The following RFC4 variants were observed in gnomAD, a reference collection of about 807,000 sequenced individuals.
RFC4 encodes A1 37 kDa subunit.
RFC4 carries 38 observed loss-of-function variants against 47.6 expected under a neutral mutation model. That is an observed-to-expected ratio of 0.80 (90% CI 0.62 to 1.05). The LOEUF (loss-of-function observed/expected upper bound fraction) is 1.05. RFC4 is among the 50% of genes least tolerant of loss of function. The pLI, the probability that RFC4 is intolerant of heterozygous loss-of-function variation, is 0.00. For synonymous variants in RFC4, 164 were observed against 150.0 expected, an observed-to-expected ratio of 1.09 and a Z score of -0.68; for missense variants, 489 against 434.0, an observed-to-expected ratio of 1.13 and a Z score of -1.13.
intron 3 of RFC4, among the ~76,000 whole-genome samples, chr3:186,800,132 T>C (rs544538586): frequency 5.0e-4 from 76 of 152,164 alleles, no homozygotes; most frequent in African/African-American, 1.8e-3. Flanking sequence ...CTTTTTCTAA[T>C]TTTTGGTAGA....
chr3:186,790,622 C>G (rs1429605298), intron 8 of RFC4, among the ~76,000 whole-genome samples: 2 of 152,166 alleles, frequency 1.3e-5, no homozygotes, highest in Non-Finnish European at 2.9e-5. Context: ...CCTTTAATGG[C>G]TTTGTGAACT....
At chr3:186,803,854 G>C (rs1722415949) in intron 2 of RFC4, among the ~76,000 whole-genome samples, 1 of 151,972 alleles carries the variant, frequency 6.6e-6, no homozygotes, top group Non-Finnish European at 1.5e-5. Context: ...TAATTCAAGT[G>C]TTGTTTGGAC....
chr3:186,796,605 G>A lies in RFC4; in HGVS notation c.290+930C>T, dbSNP rs1447110749. Among the ~76,000 whole-genome samples the A allele has an allele frequency of 1.3e-5, 2 of 151,886 alleles. No homozygotes were observed. Among genetic ancestry groups the A allele is most frequent in the African/African-American group, 4.8e-5 (2 of 41,374 alleles). Reference sequence around the variant, plus strand: ...AGTGATTCTCCTGCCTCAGCCTGCCGAGTAGCTGGGACTACAGGTGCATGC... The same window carrying A: ...AGTGATTCTCCTGCCTCAGCCTGCCAAGTAGCTGGGACTACAGGTGCATGC... On this transcript the variant is annotated intron_variant, in intron 4 of 10. Transcript: ENST00000296273. The surrounding 1 kb of genome is among the most constrained non-coding windows in gnomAD (Gnocchi z 4.2).
chr3:186,792,365 C>A, intron 7 of RFC4, 125 bp downstream of exon 7: 1 of 768,010 alleles, frequency 1.3e-6, no homozygotes, highest in Non-Finnish European at 2.1e-6. Flanking sequence ...GCCCCTTTAG[C>A]TTAAGTTTGT....
At chr3:186,791,955 G>T in intron 7 of RFC4, 105 bp from the exon 8 acceptor site, 1 of 988,080 alleles carries the variant, frequency 1.0e-6, no homozygotes, top group Non-Finnish European at 1.5e-6. Flanking sequence ...TTAGTCTAGA[G>T]TTAATGAGAA....
At position 186,792,882 on chromosome 3, in the gene RFC4, G is replaced by A. The variant is rs779709412; in HGVS notation, c.476C>T (p.Ala159Val). The change falls in exon 6 of 11, where the codon GCT (alanine) becomes GTT (valine). Residue 159 changes from alanine to valine, a missense_variant. By Grantham distance (64) the Ala-to-Val change is moderately conservative. Coordinates refer to ENST00000296273, the MANE Select transcript of RFC4 (RefSeq NM_002916.5). ...CATGGTACGTCTTAAAGCTGCCTGAGCAGCTGAGGTCATAGAATCTGCTTC... is the reference window on the plus strand; with the variant it reads ...CATGGTACGTCTTAAAGCTGCCTGAACAGCTGAGGTCATAGAATCTGCTTC... ...LDEADSMTSA[A>V]QAALRRTMEK... 6.2e-7 allele frequency: 1 copy of A among 1,613,996 alleles called. No homozygotes were observed. The highest frequency in any genetic ancestry group is 1.1e-5 in the South Asian group (1 of 91,070).
chr3:186,794,754 A>T lies in RFC4; in HGVS notation c.314T>A (p.Val105Asp). The T allele has an allele frequency of 6.2e-7, 1 of 1,614,002 alleles. No homozygotes were observed. Among genetic ancestry groups the T allele is most frequent in the Non-Finnish European group, 8.5e-7 (1 of 1,179,940 alleles). ...LFGPELFRLRVLELNASDERG... is the reference protein window; with the variant it reads ...LFGPELFRLRDLELNASDERG... ...TTCATCAGATGCATTTAACTCAAGA[A>T]CTCTTAATCGGAAAAGTTCAGGCCT... The change falls in exon 5 of 11, where the codon GTT becomes GAT. Residue 105 changes from valine to aspartate, a missense_variant. Val to Asp is a radical substitution (Grantham distance 152). Coordinates refer to ENST00000296273, the MANE Select transcript of RFC4 (RefSeq NM_002916.5).
At chr3:186,790,779 C>G (rs534359187) in intron 8 of RFC4, among the ~76,000 whole-genome samples, 4 of 151,682 alleles carry the variant, frequency 2.6e-5, no homozygotes, top group Non-Finnish European at 5.9e-5. Flanking sequence ...TGCCCTTTCT[C>G]TCAATGTCTC....
At position 186,793,714 on chromosome 3, in the gene RFC4, C is replaced by T. The variant is rs1345480587; in HGVS notation, c.411-767G>A. Among the ~76,000 whole-genome samples the T allele has an allele frequency of 6.6e-6, 1 of 150,992 alleles. No individual in the cohort carries two copies. Among genetic ancestry groups the T allele is most frequent in the Non-Finnish European group, 1.5e-5 (1 of 67,826 alleles). On this transcript the variant is annotated intron_variant, in intron 5 of 10. Transcript: ENST00000296273. This position sits in a 1 kb window ranked among gnomAD's most constrained non-coding sequence, Gnocchi z 4.2. ...ATTACACATGCACGAAATGTCTATGCAGATCCTTTGCCTTTTTTTTTTTTT... is the reference window on the plus strand; with the variant it reads ...ATTACACATGCACGAAATGTCTATGTAGATCCTTTGCCTTTTTTTTTTTTT...
At chr3:186,791,419 G>A (rs557345956) in intron 8 of RFC4, 17 of 302,268 alleles carry the variant, frequency 5.6e-5, no homozygotes, top group Admixed American at 2.9e-4. Flanking sequence ...GCAGTGAGTC[G>A]GTATTGCGTC....
chr3:186,802,090 C>A (rs538812897), intron 2 of RFC4, among the ~76,000 whole-genome samples: 1 of 150,700 alleles, frequency 6.6e-6, no homozygotes, highest in African/African-American at 2.4e-5. Flanking sequence ...TGGCCGGATG[C>A]GGTGGCTCAC....
intron 8 of RFC4, 152 bp from the exon 9 acceptor site, chr3:186,790,558 GT>G: frequency 4.6e-6 from 3 of 655,524 alleles, no homozygotes; most frequent in Non-Finnish European, 8.2e-6. Flanking sequence ...AAGGGCCAGA[GT>G]AACTCCAGTC....
At chr3:186,797,645 T>C (rs1047976555) in intron 3 of RFC4, 31 bp from the exon 4 acceptor site, 10 of 1,441,986 alleles carry the variant, frequency 6.9e-6, no homozygotes, top group African/African-American at 5.7e-5. Context: ...TTTTAATAAA[T>C]GGTATTCTGG....
At chr3:186,806,256 G>A (rs533967956) in intron 1 of RFC4, 34 bp downstream of exon 1, 1 of 152,436 alleles carries the variant, frequency 6.6e-6, no homozygotes, top group East Asian at 1.9e-4. Context: ...AGTGGGGAAG[G>A]CGAAGCGGGC....
intron 2 of RFC4, 28 bp downstream of exon 2, chr3:186,804,555 A>C (rs774982809): frequency 2.5e-6 from 4 of 1,608,922 alleles, no homozygotes; most frequent in Non-Finnish European, 3.4e-6. Context: ...TTTATGAATT[A>C]TTTTAACAAA....
In RFC4 at chr3:186,792,889, A is replaced by G; in HGVS notation, c.469T>C (p.Ser157Pro). 1 of 1,613,638 alleles carries G rather than the reference A, an allele frequency of 6.2e-7. No homozygotes were observed. Among genetic ancestry groups the G allele is most frequent in the Non-Finnish European group, 8.5e-7 (1 of 1,179,566 alleles). ...CGTCTTAAAGCTGCCTGAGCAGCTG[A>G]GGTCATAGAATCTGCTTCATCCAGA... ...VILDEADSMT[S>P]AAQAALRRTM... Residue 157 changes from serine (S) to proline (P), a missense_variant, in exon 6 of 11, where the codon TCA (serine) becomes CCA (proline). Physicochemically the swap from Ser to Pro is moderately conservative, Grantham distance 74. Around this residue, in one of 2 missense-constraint regions of RFC4, gnomAD observed 206 missense variants for 257.8 expected, o/e 0.80. Coordinates refer to ENST00000296273, the MANE Select transcript of RFC4 (RefSeq NM_002916.5).
intron 9 of RFC4, 21 bp from the exon 10 acceptor site, chr3:186,790,276 G>T (rs746621711): frequency 1.9e-6 from 3 of 1,610,434 alleles, no homozygotes; most frequent in Non-Finnish European, 2.5e-6. Flanking sequence ...AAAAACTTTT[G>T]GTATGATGAC....
At chr3:186,794,896 C>A in intron 4 of RFC4, 119 bp from the exon 5 acceptor site, 1 of 1,105,794 alleles carries the variant, frequency 9.0e-7, no homozygotes, top group South Asian at 1.5e-5. Context: ...GGATAGAAGG[C>A]ACACAATCAC....
chr3:186,804,828 G>A, intron 1 of RFC4, 104 bp from the exon 2 acceptor site: 1 of 1,099,222 alleles, frequency 9.1e-7, no homozygotes, highest in Non-Finnish European at 1.3e-6. Flanking sequence ...TTATGAGAAA[G>A]TACAGCCCGA....
Sources: gnomAD v4.1 joint callset for allele counts (sites outside exome capture counted in the v4.1 genomes callset) on GRCh38, gnomAD v4.1.1 for gene constraint, gnomAD v4.1.1 regional missense constraint, Gnocchi (gnomAD v3.1) non-coding constraint, MANE v1.5 for transcripts, NCBI Gene and HGNC (gene_info 2026-07-23, HGNC 2026-07-21) for gene names.